Variants in PDZD7 observed in about 807,000 individuals in gnomAD.
PDZD7 encodes PDZ domain-containing protein 7.
PDZD7 carries 72 observed loss-of-function variants against 84.7 expected under a neutral mutation model. That is an observed-to-expected ratio of 0.85 (90% confidence interval 0.70 to 1.03). The LOEUF is 1.03. PDZD7 is among the 50% of genes least tolerant of loss of function. PDZD7 has a pLI of 0.00. For missense variants in PDZD7, 1,490 were observed against 1,412.9 expected (o/e 1.05, Z -0.87); for synonymous variants, 594 against 580.7 (o/e 1.02, Z -0.33).
intron 6 of PDZD7, among the ~76,000 whole-genome samples, chr10:101,021,207 G>A (rs577229387): frequency 1.3e-5 from 2 of 152,282 alleles, no homozygotes; most frequent in African/African-American, 4.8e-5. Context: ...CGGCAGAGGA[G>A]GCACCCAGTG....
chr10:101,012,397 C>A, intron 11 of PDZD7, 139 bp from the exon 12 acceptor site: 1 of 731,978 alleles, frequency 1.4e-6, no homozygotes, highest in Non-Finnish European at 2.4e-6. Context: ...AGGTTCACTC[C>A]ACCCCCAGCT....
intron 15 of PDZD7, among the ~76,000 whole-genome samples, 188 bp downstream of exon 15, chr10:101,010,083 CG>C (rs1852343142): frequency 6.6e-6 from 1 of 152,110 alleles, no homozygotes; most frequent in Non-Finnish European, 1.5e-5. Context: ...TTAGTGGAAA[CG>C]GGGTTTCGCC....
At chr10:101,018,797 C>G (rs1232394637) in intron 8 of PDZD7, 25 bp downstream of exon 8, 2 of 1,559,820 alleles carry the variant, frequency 1.3e-6, no homozygotes, top group East Asian at 2.3e-5. Context: ...GTGGAGGGAG[C>G]AGCCGCCACC....
chr10:101,008,237 G>A lies in PDZD7; in HGVS notation c.*230C>T, dbSNP rs139956253. On this transcript the variant is annotated 3_prime_UTR_variant, in exon 17 of 17. Transcript: ENST00000619208. ...TCCTGGCTTGGGAGGTTGGGGAGCA[G>A]TGAGTGCAGGTGACACAGGCTGCCC... The A allele has an allele frequency of 1.4e-4, 73 of 536,356 alleles. No individual in the cohort carries two copies. The East Asian group carries it at 2.1e-3, about 15-fold the overall frequency. 33.2% of individuals were successfully genotyped at this position (536,356 alleles called of 1,614,324 possible).
chr10:101,010,162 T>C (rs1852345355), intron 15 of PDZD7, 110 bp downstream of exon 15: 6 of 1,337,758 alleles, frequency 4.5e-6, no homozygotes. Flanking sequence ...CCCAAAGTGC[T>C]GGGGTTACAG....
At chr10:101,024,924 A>G (rs1276624163) in intron 2 of PDZD7, among the ~76,000 whole-genome samples, 2 of 151,980 alleles carry the variant, frequency 1.3e-5, no homozygotes, top group Non-Finnish European at 2.9e-5. Context: ...TTAATAAACA[A>G]TTCTGATACT....
At chr10:101,024,231 C>T (rs1937587593) in intron 2 of PDZD7, among the ~76,000 whole-genome samples, 163 bp from the exon 3 acceptor site, 1 of 152,164 alleles carries the variant, frequency 6.6e-6, no homozygotes, top group Non-Finnish European at 1.5e-5. Context: ...TTCTAAGGCC[C>T]CTCTGGGTGA....
chr10:101,021,795 CA>C lies in PDZD7; in HGVS notation c.867+2del. On this transcript the variant is annotated splice_donor_variant, in intron 6 of 16. Transcript: ENST00000619208. LOFTEE classifies it high-confidence loss of function. ...CTCTCCCTACCCCCACTGTTCTGCC[CA>C]CCTTGATGGTCAGCATGATGTGCGT... 1 of 1,614,198 alleles carries C rather than the reference CA, an allele frequency of 6.2e-7. No individual in the cohort carries two copies. Among genetic ancestry groups the C allele is most frequent in the South Asian group, 1.1e-5 (1 of 91,076 alleles).
chr10:101,009,188 C>T (rs962555242), intron 16 of PDZD7, 62 bp downstream of exon 16: 2 of 1,411,150 alleles, frequency 1.4e-6, no homozygotes, highest in Non-Finnish European at 1.9e-6. Context: ...CATGGCCAGC[C>T]CCACCTCCTG....
chr10:101,021,802 A>G lies in PDZD7; in HGVS notation c.863T>C (p.Ile288Thr). 6.8e-6 allele frequency: 11 copies of G among 1,614,034 alleles called. No individual in the cohort carries two copies. Among genetic ancestry groups the G allele is most frequent in the Non-Finnish European group, 9.3e-6 (11 of 1,180,016 alleles). ...TACCCCCACTGTTCTGCCCACCTTG[A>G]TGGTCAGCATGATGTGCGTTTGGCC... Reference protein sequence around the residue: ...LKGQTHIMLTIKETGRYPAYK... With the variant: ...LKGQTHIMLTTKETGRYPAYK... Residue 288 changes from isoleucine (I) to threonine (T), a missense_variant, in exon 6 of 17, where the codon ATC becomes ACC. Transcript: ENST00000619208.
chr10:101,012,162 C>G lies in PDZD7; in HGVS notation c.1841+5G>C. 2 of 1,550,436 alleles carry G rather than the reference C, an allele frequency of 1.3e-6. No homozygotes were observed. Among genetic ancestry groups the G allele is most frequent in the African/African-American group, 2.7e-5 (2 of 73,182 alleles). ...CCCCAAGCCCTCTCTGCAACCTCCT[C>G]CCACCTGATGTCCTGCAGCAGTAGC... On this transcript the variant is annotated splice_donor_5th_base_variant and intron_variant, in intron 12 of 16. Coordinates refer to ENST00000619208, the MANE Select transcript of PDZD7 (RefSeq NM_001195263.2).
Position 101,008,534 on chromosome 10 carries a change from C to T in PDZD7, c.3035G>A (p.Ser1012Asn), listed in dbSNP as rs764336085. 1.3e-5 allele frequency: 20 copies of T among 1,534,620 alleles called. No individual in the cohort carries two copies. Among genetic ancestry groups the T allele is most frequent in the Non-Finnish European group, 1.6e-5 (18 of 1,146,522 alleles). Reference protein sequence around the residue: ...TDARLLQPTPSPAPSPALQTP... With the variant: ...TDARLLQPTPNPAPSPALQTP... ...CTGGAGGGCTGGGGAGGGGGCTGGG[C>T]TGGGAGTTGGCTGGAGGAGCCTGGC... The change falls in exon 17 of 17, where the codon AGC (serine) becomes AAC (asparagine). Residue 1012 changes from serine (S) to asparagine (N), a missense_variant. Transcript: ENST00000619208.
chr10:101,017,609 C>T, intron 9 of PDZD7: 2 of 700,948 alleles, frequency 2.9e-6, no homozygotes. Context: ...GGGTGAAACC[C>T]CCATCTCTAC....
chr10:101,010,382 T>C lies in PDZD7; in HGVS notation c.2507A>G (p.Lys836Arg). The C allele has an allele frequency of 6.5e-7, 1 of 1,536,204 alleles. No individual in the cohort carries two copies. ...LDGEAAKVGA[K>R]QGPSESGTEG... is the part of the protein sequence containing the mutation. ...AGTTCCACTCTCCGAGGGCCCTTGC[T>C]TGGCCCCCACCTTGGCTGCCTCCCC... The change falls in exon 15 of 17, where the codon AAG becomes AGG. Residue 836 changes from lysine to arginine, a missense_variant. Lys to Arg is a conservative substitution (Grantham distance 26). Transcript: ENST00000619208.
intron 2 of PDZD7, among the ~76,000 whole-genome samples, chr10:101,024,487 C>T (rs1937596228): frequency 6.6e-6 from 1 of 152,166 alleles, no homozygotes; most frequent in Non-Finnish European, 1.5e-5. Context: ...AAGCAATTCT[C>T]CCACCTTGGC....
chr10:101,014,851 CACAA>C (rs1260865351), intron 11 of PDZD7, among the ~76,000 whole-genome samples: 3 of 152,178 alleles, frequency 2.0e-5, no homozygotes, highest in East Asian at 1.9e-4. Flanking sequence ...TGAGGGAATC[CACAA>C]ACAATTTTTC....
rs1852353980 is a variant in PDZD7, at chr10:101,010,441, C to T, written c.2448G>A (p.Arg816=). The T allele has an allele frequency of 6.5e-7, 1 of 1,536,004 alleles. No homozygotes were observed. The highest frequency in any genetic ancestry group is 1.2e-5 in the South Asian group (1 of 84,062). The change falls in exon 15 of 17, where the codon CGG becomes CGA. Residue 816 remains arginine (R), a synonymous_variant. Transcript: ENST00000619208. Reference sequence around the variant, plus strand: ...GTCGTGGCAGAGGGGGTCTGGCCTTCCGAGGCTTGTGGTAGCGCCCATTGG... The same window carrying T: ...GTCGTGGCAGAGGGGGTCTGGCCTTTCGAGGCTTGTGGTAGCGCCCATTGG... ...SMTNGRYHKP[R]KARPPLPRPL...
intron 11 of PDZD7, among the ~76,000 whole-genome samples, 172 bp downstream of exon 11, chr10:101,015,464 A>ATGTGTGTGTGTGTG (rs10579208): frequency 6.7e-6 from 1 of 149,680 alleles, no homozygotes; most frequent in Non-Finnish European, 1.5e-5. Flanking sequence ...GAGCTGGCAG[A>ATGTGTGTGTGTGTG]TGTGTGTGTG....
At chr10:101,029,313 T>A (rs1162018956) in intron 2 of PDZD7, among the ~76,000 whole-genome samples, 1 of 152,186 alleles carries the variant, frequency 6.6e-6, no homozygotes, top group Non-Finnish European at 1.5e-5. Context: ...CACTGTAGAT[T>A]CCTGGAAGGT....
Sources: gnomAD v4.1 joint callset for allele counts (sites outside exome capture counted in the v4.1 genomes callset) on GRCh38, gnomAD v4.1.1 for gene constraint, MANE v1.5 for transcripts, NCBI Gene and HGNC (gene_info 2026-07-23, HGNC 2026-07-21) for gene names.